COG2: variants seen among roughly 807,000 people sequenced by gnomAD.
The protein encoded by COG2 is conserved oligomeric Golgi complex subunit 2.
Under a neutral mutation model 90.6 loss-of-function variants are expected in COG2, and 52 were observed. That is an observed-to-expected ratio of 0.57 (90% CI 0.46 to 0.72). The LOEUF is 0.72. Ranked by LOEUF, COG2 falls within the 30% of genes least tolerant of loss-of-function variation. COG2 has a pLI of 0.00. For missense variants in COG2, 829 were observed against 891.2 expected, an observed-to-expected ratio of 0.93 and a Z score of 0.89; for synonymous variants, 337 against 320.4, an observed-to-expected ratio of 1.05 and a Z score of -0.55.
intron 1 of COG2, chr1:230,643,183 C>T (rs1395395089): frequency 2.0e-5 from 3 of 153,108 alleles, no homozygotes; most frequent in African/African-American, 7.2e-5. Context: ...TTCTTACCGA[C>T]TATTGCAGTA....
chr1:230,659,931 G>A (rs1175898556), intron 2 of COG2, among the ~76,000 whole-genome samples: 1 of 152,178 alleles, frequency 6.6e-6, no homozygotes, highest in Non-Finnish European at 1.5e-5. Context: ...CTCTGGTTTA[G>A]ACCAATTTGC....
intron 8 of COG2, among the ~76,000 whole-genome samples, chr1:230,672,422 G>T (rs559503003): frequency 6.6e-6 from 1 of 152,202 alleles, no homozygotes; most frequent in Non-Finnish European, 1.5e-5. Context: ...CAGCTCCCTT[G>T]TACTCACGTG....
At chr1:230,683,948 C>A (rs757013880) in intron 11 of COG2, among the ~76,000 whole-genome samples, 1 of 151,940 alleles carries the variant, frequency 6.6e-6, no homozygotes, top group Non-Finnish European at 1.5e-5. Flanking sequence ...TACACCACCA[C>A]GCCTAGTTAA....
chr1:230,688,592 A>T, intron 15 of COG2, 30 bp downstream of exon 15: 3 of 1,612,034 alleles, frequency 1.9e-6, no homozygotes, highest in Non-Finnish European at 2.5e-6. Flanking sequence ...GAGAATTTTG[A>T]GGTGGGGAAG....
chr1:230,672,296 G>A (rs746825905), intron 8 of COG2, among the ~76,000 whole-genome samples: 4 of 152,164 alleles, frequency 2.6e-5, no homozygotes, highest in Non-Finnish European at 4.4e-5. Flanking sequence ...GAAGATCCAG[G>A]CTTCTCGAAG....
At chr1:230,652,918 T>C (rs1661948032) in intron 1 of COG2, among the ~76,000 whole-genome samples, 1 of 152,218 alleles carries the variant, frequency 6.6e-6, no homozygotes, top group Non-Finnish European at 1.5e-5. Context: ...AGTGTGATTA[T>C]TTGGTAATGT....
chr1:230,664,591 A>C lies in COG2; in HGVS notation c.485+4A>C. 1 of 1,441,186 alleles carries C rather than the reference A, an allele frequency of 6.9e-7. No homozygotes were observed. The highest frequency in any genetic ancestry group is 9.5e-7 in the Non-Finnish European group (1 of 1,055,028). 89.3% of individuals were successfully genotyped at this position (1,441,186 alleles called of 1,614,324 possible). A position where few individuals can be genotyped will look rare whatever the true frequency, so the allele number is the denominator to read the frequency against. On this transcript the variant is annotated splice_donor_region_variant and intron_variant, in intron 5 of 17. Transcript: ENST00000366669. ...CCTCTGCACTAGAAGCAAGCAGGTA[A>C]GTATTTTTTATTAAATAACTCGTAA...
At chr1:230,668,901 T>A in intron 6 of COG2, 117 bp downstream of exon 6, 1 of 675,686 alleles carries the variant, frequency 1.5e-6, no homozygotes, top group Non-Finnish European at 2.4e-6. Context: ...GCATTTTTTT[T>A]CAATTTTTAA....
intron 1 of COG2, among the ~76,000 whole-genome samples, chr1:230,655,339 G>A (rs1354162735): frequency 6.6e-6 from 1 of 152,160 alleles, no homozygotes; most frequent in Non-Finnish European, 1.5e-5. Flanking sequence ...GGCCTTTTCT[G>A]CATCTATTGA....
At chr1:230,645,792 A>G (rs11122567) in intron 1 of COG2, among the ~76,000 whole-genome samples, 150,670 of 152,248 alleles carry the variant, frequency 0.99, 74,584 homozygotes, top group Middle Eastern at 1. Context: ...CAGATCATTC[A>G]GCATTAGGTT....
At chr1:230,669,048 A>G in intron 6 of COG2, 2 of 452,372 alleles carry the variant, frequency 4.4e-6, no homozygotes, top group South Asian at 1.1e-4. Context: ...TAGACAATTA[A>G]TTTATCCAAA....
chr1:230,661,963 T>C (rs1662189417), intron 3 of COG2, among the ~76,000 whole-genome samples: 1 of 152,124 alleles, frequency 6.6e-6, no homozygotes, highest in Non-Finnish European at 1.5e-5. Flanking sequence ...GTGTACCTCT[T>C]CCTACCCCCA....
intron 1 of COG2, among the ~76,000 whole-genome samples, chr1:230,649,669 A>ATTAT (rs888619823): frequency 5.9e-5 from 9 of 152,072 alleles, no homozygotes; most frequent in African/African-American, 9.6e-5. Context: ...TACAGCAGTG[A>ATTAT]TTATTTATTT....
chr1:230,643,355 AG>A (rs1248100298), intron 1 of COG2, among the ~76,000 whole-genome samples: 2 of 152,254 alleles, frequency 1.3e-5, no homozygotes, highest in African/African-American at 4.8e-5. Context: ...GAAAATGGCC[AG>A]GCTTTGAGTG....
intron 9 of COG2, among the ~76,000 whole-genome samples, chr1:230,677,725 T>C (rs1387383110): frequency 6.6e-6 from 1 of 152,214 alleles, no homozygotes; most frequent in Non-Finnish European, 1.5e-5. Flanking sequence ...ACCTTTCTGA[T>C]AGAACTTGAC....
intron 1 of COG2, among the ~76,000 whole-genome samples, chr1:230,645,233 C>A (rs1275536185): frequency 4.3e-4 from 39 of 91,018 alleles, no homozygotes; most frequent in African/African-American, 1.0e-3. Context: ...GAGACCCTGT[C>A]AAAAAAAAAA....
rs1363223367 is a variant in COG2, at chr1:230,693,626, T to C, written c.*233T>C. On this transcript the variant is annotated 3_prime_UTR_variant, in exon 18 of 18. Transcript: ENST00000366669. ...TATGGAAGATAGTTTTTAAGACATT[T>C]GAAACTTTCTACTATAGTTTACAGA... 7 of 365,752 alleles carry C rather than the reference T, an allele frequency of 1.9e-5. No homozygotes were observed. Among genetic ancestry groups the C allele is most frequent in the Non-Finnish European group, 3.4e-5 (7 of 205,218 alleles). 22.7% of individuals were successfully genotyped at this position (365,752 alleles called of 1,614,324 possible).
intron 1 of COG2, among the ~76,000 whole-genome samples, chr1:230,658,448 C>T (rs1286226414): frequency 6.6e-6 from 1 of 152,142 alleles, no homozygotes; most frequent in East Asian, 1.9e-4. Context: ...GGGCACCTGC[C>T]AGATGCCAGC....
At chr1:230,654,413 A>AT (rs1661998432) in intron 1 of COG2, among the ~76,000 whole-genome samples, 1 of 152,142 alleles carries the variant, frequency 6.6e-6, no homozygotes, top group African/African-American at 2.4e-5. Flanking sequence ...CAAAGATCAG[A>AT]TGGTTGTAGA....
Sources: gnomAD v4.1 joint callset for allele counts (sites outside exome capture counted in the v4.1 genomes callset) on GRCh38, gnomAD v4.1.1 for gene constraint, MANE v1.5 for transcripts, NCBI Gene and HGNC (gene_info 2026-07-23, HGNC 2026-07-21) for gene names.